The following PPP2R2B variants were observed in gnomAD, a reference collection of about 807,000 sequenced individuals.
The protein encoded by PPP2R2B is serine/threonine-protein phosphatase 2A 55 kDa regulatory subunit B beta isoform.
A neutral mutation model predicts 46.0 loss-of-function variants in PPP2R2B; 5 were observed. The ratio of observed to expected loss-of-function variants is 0.11; its 90% CI spans 0.06 to 0.23. PPP2R2B has a LOEUF of 0.23. PPP2R2B is among the 10% of genes least tolerant of loss of function. The probability of loss-of-function intolerance (pLI) is 1.00; values close to 1 mark genes in which losing one functional copy is unlikely to be tolerated. For missense variants in PPP2R2B, 367 were observed against 575.0 expected, an observed-to-expected ratio of 0.64 and a Z score of 3.70; for synonymous variants, 215 against 206.7, an observed-to-expected ratio of 1.04 and a Z score of -0.34.
intron 1 of PPP2R2B, among the ~76,000 whole-genome samples, chr5:146,913,861 G>A (rs867039978): frequency 3.9e-5 from 6 of 152,068 alleles, no homozygotes; most frequent in African/African-American, 7.2e-5. Flanking sequence ...TACCTCCTAC[G>A]TCCTACTAAA....
intron 2 of PPP2R2B, among the ~76,000 whole-genome samples, chr5:146,785,537 G>A (rs1755781263): frequency 6.6e-6 from 1 of 152,140 alleles, no homozygotes; most frequent in Admixed American, 6.6e-5. Flanking sequence ...AACAGAGTGA[G>A]ACCCTGTCTC....
chr5:147,076,167 T>C (rs1365852526), intron 2 of PPP2R2B, among the ~76,000 whole-genome samples: 1 of 152,148 alleles, frequency 6.6e-6, no homozygotes, highest in East Asian at 1.9e-4. Context: ...CTATTAGGTG[T>C]TCATAACAAT....
intron 1 of PPP2R2B, among the ~76,000 whole-genome samples, chr5:147,015,266 T>G (rs937559437): frequency 9.9e-5 from 15 of 151,650 alleles, no homozygotes; most frequent in African/African-American, 3.4e-4. Context: ...CATTGCCCTG[T>G]TTTAAAATTC....
At chr5:146,732,389 C>T (rs183264402) in intron 2 of PPP2R2B, among the ~76,000 whole-genome samples, 102 of 152,280 alleles carry the variant, frequency 6.7e-4, no homozygotes, top group Admixed American at 1.7e-3. Flanking sequence ...ACAGAAACTA[C>T]GGTTTTTCCA....
intron 5 of PPP2R2B, among the ~76,000 whole-genome samples, chr5:146,681,284 A>G (rs1450150617): frequency 6.6e-6 from 1 of 152,220 alleles, no homozygotes; most frequent in Non-Finnish European, 1.5e-5. Context: ...ATCTTCTATT[A>G]GTAAAGTCTA....
At chr5:146,785,084 T>C (rs1418232073) in intron 2 of PPP2R2B, among the ~76,000 whole-genome samples, 2 of 152,234 alleles carry the variant, frequency 1.3e-5, no homozygotes, top group Non-Finnish European at 2.9e-5. Flanking sequence ...ATATTATTTA[T>C]TGCTTTTCAA....
intron 2 of PPP2R2B, among the ~76,000 whole-genome samples, chr5:146,843,030 A>G (rs1265268623): frequency 6.6e-6 from 1 of 152,160 alleles, no homozygotes; most frequent in African/African-American, 2.4e-5. Flanking sequence ...CTCTACTAAA[A>G]ATACAAAATT....
intron 2 of PPP2R2B, among the ~76,000 whole-genome samples, chr5:146,839,933 T>C (rs1292625084): frequency 2.0e-5 from 3 of 152,212 alleles, no homozygotes; most frequent in East Asian, 3.8e-4. Flanking sequence ...TCTAACACAA[T>C]TGTTCTGAGT....
At chr5:146,989,212 A>G (rs190349071) in intron 1 of PPP2R2B, among the ~76,000 whole-genome samples, 10 of 152,074 alleles carry the variant, frequency 6.6e-5, no homozygotes, top group Admixed American at 5.9e-4. Flanking sequence ...AAACTCTTCC[A>G]AAAAGCTAAA....
intron 7 of PPP2R2B, among the ~76,000 whole-genome samples, chr5:146,632,123 T>C (rs1774476229): frequency 7.9e-6 from 1 of 126,762 alleles, no homozygotes; most frequent in South Asian, 2.6e-4. Context: ...AATATAACTG[T>C]ATTTGGAGAT....
chr5:146,966,437 A>T (rs921985772), intron 1 of PPP2R2B, among the ~76,000 whole-genome samples: 4 of 152,252 alleles, frequency 2.6e-5, no homozygotes, highest in Middle Eastern at 3.4e-3. Flanking sequence ...TGTCAAACTG[A>T]CACAAAGACC....
At chr5:146,950,015 A>G (rs1203328676) in intron 1 of PPP2R2B, among the ~76,000 whole-genome samples, 2 of 152,014 alleles carry the variant, frequency 1.3e-5, no homozygotes, top group East Asian at 3.8e-4. Context: ...GTACAAAAAT[A>G]TAATTAGAAA....
intron 1 of PPP2R2B, among the ~76,000 whole-genome samples, chr5:146,923,011 A>G (rs990990107): frequency 6.6e-6 from 1 of 152,208 alleles, no homozygotes; most frequent in Non-Finnish European, 1.5e-5. Context: ...GGAAGCCAAG[A>G]AGAAAAATGG....
chr5:146,981,822 A>G (rs1753192196), intron 1 of PPP2R2B, among the ~76,000 whole-genome samples: 1 of 152,188 alleles, frequency 6.6e-6, no homozygotes, highest in Admixed American at 6.5e-5. Flanking sequence ...AGAATGTTAT[A>G]TAAATGGAAT....
At chr5:146,634,216 C>G (rs1774636153) in intron 7 of PPP2R2B, among the ~76,000 whole-genome samples, 1 of 152,184 alleles carries the variant, frequency 6.6e-6, no homozygotes, top group Non-Finnish European at 1.5e-5. Flanking sequence ...GACCCTCCTG[C>G]AAGGGAAAGA....
intron 2 of PPP2R2B, among the ~76,000 whole-genome samples, chr5:146,784,257 T>G (rs528859312): frequency 4.9e-4 from 75 of 152,282 alleles, no homozygotes; most frequent in African/African-American, 1.7e-3. Context: ...AAACAAAAAT[T>G]TAGTCACAAC....
chr5:146,970,438 T>TA (rs201190200), intron 1 of PPP2R2B, among the ~76,000 whole-genome samples: 1,929 of 151,762 alleles, frequency 0.013, 38 homozygotes, highest in African/African-American at 0.044. Flanking sequence ...CCATCTCTAC[T>TA]AAAAAAAATT....
chr5:146,740,288 G>C (rs1038143304), intron 2 of PPP2R2B, among the ~76,000 whole-genome samples: 3 of 152,196 alleles, frequency 2.0e-5, no homozygotes, highest in Admixed American at 2.0e-4. Flanking sequence ...TGCAAGAAAA[G>C]AGAAAAGAAT....
intron 1 of PPP2R2B, among the ~76,000 whole-genome samples, chr5:146,890,134 C>G (rs1454657803): frequency 1.3e-5 from 2 of 152,216 alleles, no homozygotes; most frequent in Non-Finnish European, 2.9e-5. Flanking sequence ...TGGCTTAACT[C>G]TCCAGTATGT....
Sources: allele counts gnomAD v4.1 joint callset (sites outside exome capture counted in the v4.1 genomes callset), GRCh38; gene constraint gnomAD v4.1.1; transcripts MANE v1.5; gene names NCBI Gene and HGNC (gene_info 2026-07-23, HGNC 2026-07-21).